Variants in CRYBG1 observed in about 807,000 individuals in gnomAD.
CRYBG1 encodes the protein crystallin beta-gamma domain containing 1.
In CRYBG1, 139 loss-of-function variants were observed where a neutral mutation model predicts 189.2. The ratio of observed to expected loss-of-function variants is 0.73; its 90% CI spans 0.64 to 0.85. The LOEUF is 0.85. Among genes scored for constraint, CRYBG1 ranks in the 40% least tolerant of loss-of-function variants. The probability of loss-of-function intolerance (pLI) is 0.00; values close to 1 mark genes in which losing one functional copy is unlikely to be tolerated. For synonymous variants in CRYBG1, 1,023 were observed against 1,017.1 expected (o/e 1.01, Z -0.11); for missense variants, 2,611 against 2,675.8 (o/e 0.98, Z 0.53).
intron 1 of CRYBG1, among the ~76,000 whole-genome samples, chr6:106,399,090 T>C (rs751917581): frequency 2.9e-4 from 44 of 152,236 alleles, no homozygotes; most frequent in Non-Finnish European, 4.6e-4. Context: ...TTTTGCATAG[T>C]AGAAGGTAAC....
intron 2 of CRYBG1, among the ~76,000 whole-genome samples, chr6:106,505,583 C>T (rs1018417085): frequency 1.3e-5 from 2 of 151,540 alleles, no homozygotes; most frequent in African/African-American, 4.9e-5. Flanking sequence ...TCCCCATCTT[C>T]GTTCTTTAGT....
chr6:106,429,967 G>C (rs1417344336), intron 1 of CRYBG1, among the ~76,000 whole-genome samples: 1 of 152,030 alleles, frequency 6.6e-6, no homozygotes, highest in Non-Finnish European at 1.5e-5. Context: ...AATAGTAAGA[G>C]ATCAATTCAG....
rs75226561 is a variant in CRYBG1 at position 106,475,573 on chromosome 6, A to G, written c.312+23741A>G. ...ACTACGTGTGTTTGGGGAACTGTGA[A>G]CATACTAATTTAGTTAGAGTGGACG... On this transcript the variant is annotated intron_variant, in intron 2 of 21. Transcript: ENST00000633556. 7.8e-3 allele frequency among the ~76,000 whole-genome samples: 1,182 copies of G among 152,296 alleles called. 4 individuals carry two copies. Among genetic ancestry groups the G allele is most frequent in the Non-Finnish European group, 0.012 (850 of 68,026 alleles).
intron 9 of CRYBG1, 93 bp from the exon 10 acceptor site, chr6:106,541,492 GA>G: frequency 8.3e-7 from 1 of 1,211,924 alleles, no homozygotes; most frequent in South Asian, 1.2e-5. Flanking sequence ...TAGTCACACT[GA>G]AATTCAATGT....
chr6:106,564,878 G>C (rs1273664809), intron 21 of CRYBG1, among the ~76,000 whole-genome samples: 1 of 152,076 alleles, frequency 6.6e-6, no homozygotes, highest in Non-Finnish European at 1.5e-5. Flanking sequence ...TAGCGAACTG[G>C]TGATAATGTA....
intron 2 of CRYBG1, among the ~76,000 whole-genome samples, chr6:106,494,470 G>A (rs1772798033): frequency 6.6e-6 from 1 of 152,144 alleles, no homozygotes; most frequent in African/African-American, 2.4e-5. Flanking sequence ...ACATGAGCCA[G>A]CAGATGCTTA....
chr6:106,387,772 A>C (rs753050674), intron 1 of CRYBG1, among the ~76,000 whole-genome samples: 5 of 152,164 alleles, frequency 3.3e-5, no homozygotes, highest in Admixed American at 3.3e-4. Flanking sequence ...TTAGATTCTC[A>C]TGGTAACAAA....
In CRYBG1 at chr6:106,515,991, A is replaced by AAAC. The variant is rs1169058001; in HGVS notation, c.1922+2952_1922+2953insAAC. Among the ~76,000 whole-genome samples the AAAC allele has an allele frequency of 3.1e-3, 463 of 151,704 alleles. 6 individuals carry two copies. Among genetic ancestry groups the AAAC allele is most frequent in the African/African-American group, 0.011 (442 of 41,344 alleles). On this transcript the variant is annotated intron_variant, in intron 3 of 21. Transcript: ENST00000633556. ...ATTTTTTTAGAGACAGGATTTTGCC[A>AAAC]TGTTCCCCGGGCTGGTCTCAAACTC...
At chr6:106,532,015 G>A (rs1773884387) in intron 8 of CRYBG1, among the ~76,000 whole-genome samples, 1 of 152,078 alleles carries the variant, frequency 6.6e-6, no homozygotes, top group South Asian at 2.1e-4. Flanking sequence ...ACATTTTACT[G>A]CTTTTTAAAT....
In CRYBG1 at chr6:106,511,934, C is replaced by A; in HGVS notation, c.817C>A (p.Arg273Ser). The A allele has an allele frequency of 3.3e-6, 5 of 1,525,342 alleles. No individual in the cohort carries two copies. Among genetic ancestry groups the A allele is most frequent in the Non-Finnish European group, 4.4e-6 (5 of 1,140,066 alleles). The allele number at this position is 1,525,342 out of a possible 1,614,324, so 94.5% of individuals were successfully genotyped here. ...SRQENAETPA[R>S]SPGEDASPGA... ...GCAAGAGAACGCAGAGACGCCCGCC[C>A]GCAGTCCGGGGGAGGACGCTTCACC... Residue 273 changes from arginine to serine, a missense_variant, in exon 3 of 22, where the codon CGC becomes AGC. Physicochemically the swap from Arg to Ser is moderately radical, Grantham distance 110. Transcript: ENST00000633556.
chr6:106,379,127 C>T (rs557508223), intron 1 of CRYBG1, among the ~76,000 whole-genome samples: 7 of 151,956 alleles, frequency 4.6e-5, no homozygotes, highest in South Asian at 2.1e-4. Flanking sequence ...TCAGCCTGGG[C>T]GATAGAGCCA....
chr6:106,472,909 T>TAAAAAA (rs34714366), intron 2 of CRYBG1, among the ~76,000 whole-genome samples: 2 of 137,220 alleles, frequency 1.5e-5, no homozygotes, highest in African/African-American at 5.4e-5. Context: ...GTCTCAAAAT[T>TAAAAAA]AAAAAAAAAA....
chr6:106,528,649 T>C (rs1773808493), intron 7 of CRYBG1, among the ~76,000 whole-genome samples: 1 of 152,128 alleles, frequency 6.6e-6, no homozygotes, highest in Non-Finnish European at 1.5e-5. Flanking sequence ...TATCAGAATC[T>C]GGTGGGGTGA....
intron 18 of CRYBG1, among the ~76,000 whole-genome samples, chr6:106,560,539 A>G (rs1308999203): frequency 1.3e-5 from 2 of 152,228 alleles, no homozygotes; most frequent in Non-Finnish European, 2.9e-5. Flanking sequence ...CTAAAAGACA[A>G]TATTTCACTG....
chr6:106,482,089 G>C (rs1247516844), intron 2 of CRYBG1, among the ~76,000 whole-genome samples: 1 of 152,084 alleles, frequency 6.6e-6, no homozygotes, highest in Non-Finnish European at 1.5e-5. Flanking sequence ...CAAGGCTTCA[G>C]TCAAGGTGTC....
chr6:106,461,922 C>CTATG (rs1772014397), intron 2 of CRYBG1, among the ~76,000 whole-genome samples: 1 of 152,160 alleles, frequency 6.6e-6, no homozygotes, highest in Non-Finnish European at 1.5e-5. Context: ...GAAACAGGTA[C>CTATG]TATGACCGGG....
At chr6:106,386,132 T>C (rs1211724801) in intron 1 of CRYBG1, among the ~76,000 whole-genome samples, 2 of 152,228 alleles carry the variant, frequency 1.3e-5, no homozygotes, top group Non-Finnish European at 2.9e-5. Context: ...GCTTACAGAA[T>C]GTGAATAACC....
intron 17 of CRYBG1, among the ~76,000 whole-genome samples, chr6:106,556,692 T>C (rs1381571898): frequency 6.6e-6 from 1 of 152,240 alleles, no homozygotes; most frequent in East Asian, 1.9e-4. Context: ...TAGTTTTTGG[T>C]AACTGCTTTC....
At position 106,512,796 on chromosome 6, in the gene CRYBG1, G is replaced by C. The variant is rs755255055; in HGVS notation, c.1679G>C (p.Gly560Ala). 6.3e-7 allele frequency: 1 copy of C among 1,577,554 alleles called. No homozygotes were observed. The highest frequency in any genetic ancestry group is 8.6e-7 in the Non-Finnish European group (1 of 1,161,442). The stretch of plus-strand genomic sequence containing the variant: ...ACCAAGGGCACTGCGGCCGAGAGCG[G>C]GGAGGAGGCGGCGCGGGCCATCCCC... The part of the protein sequence containing the change: ...PVTKGTAAES[G>A]EEAARAIPRE... The change falls in exon 3 of 22, where the codon GGG becomes GCG. Residue 560 changes from glycine (G) to alanine (A), a missense_variant. Gly to Ala is a moderately conservative substitution (Grantham distance 60). Coordinates refer to ENST00000633556, the MANE Select transcript of CRYBG1 (RefSeq NM_001371242.2).
Sources: gnomAD v4.1 joint callset for allele counts (sites outside exome capture counted in the v4.1 genomes callset) on GRCh38, gnomAD v4.1.1 for gene constraint, MANE v1.5 for transcripts, NCBI Gene and HGNC (gene_info 2026-07-23, HGNC 2026-07-21) for gene names.